The following SHANK2 variants were observed in gnomAD, a reference collection of about 807,000 sequenced individuals.
The protein encoded by SHANK2 is SH3 and multiple ankyrin repeat domains protein 2.
Under a neutral mutation model 133.7 loss-of-function variants are expected in SHANK2, and 43 were observed. The ratio of observed to expected loss-of-function variants is 0.32; its 90% CI spans 0.25 to 0.41. The LOEUF (loss-of-function observed/expected upper bound fraction) is 0.41, where lower values mean the gene tolerates loss of function less well. Ranked by LOEUF, SHANK2 falls within the 10% of genes least tolerant of loss-of-function variation. The pLI is 1.00. For missense variants in SHANK2, 1,994 were observed against 2,235.8 expected, an observed-to-expected ratio of 0.89 and a Z score of 2.18; for synonymous variants, 1,017 against 952.8, an observed-to-expected ratio of 1.07 and a Z score of -1.24.
intron 2 of SHANK2, among the ~76,000 whole-genome samples, chr11:71,203,852 C>A (rs1260509731): frequency 1.3e-5 from 2 of 152,210 alleles, no homozygotes; most frequent in Non-Finnish European, 2.9e-5. Context: ...AGCCCTGGCT[C>A]CGAGGCTCAG....
At chr11:70,715,604 T>TA (rs1283722764) in intron 14 of SHANK2, among the ~76,000 whole-genome samples, 1 of 152,052 alleles carries the variant, frequency 6.6e-6, no homozygotes, top group East Asian at 1.9e-4. Context: ...TAGAATGTTT[T>TA]AAAAAAAATC....
At chr11:70,798,340 C>A in intron 14 of SHANK2, 103 bp downstream of exon 14, 1 of 688,470 alleles carries the variant, frequency 1.5e-6, no homozygotes, top group Admixed American at 2.0e-5. Context: ...ACTCAGCCTC[C>A]CTCTACGACG....
intron 17 of SHANK2, among the ~76,000 whole-genome samples, chr11:70,557,957 A>T (rs1591577740): frequency 6.6e-6 from 1 of 152,312 alleles, no homozygotes; most frequent in Non-Finnish European, 1.5e-5. Flanking sequence ...TCTTTGGCAA[A>T]TATGTTAAAT....
At chr11:70,682,063 C>G (rs1467428920) in intron 15 of SHANK2, among the ~76,000 whole-genome samples, 1 of 152,066 alleles carries the variant, frequency 6.6e-6, no homozygotes, top group Non-Finnish European at 1.5e-5. Flanking sequence ...ATAAGGCAGC[C>G]CAAACCTGCT....
chr11:70,485,258 G>A lies in SHANK2; in HGVS notation c.4979+56C>T, dbSNP rs1053723542. 6.6e-7 allele frequency: 1 copy of A among 1,504,642 alleles called. No individual in the cohort carries two copies. The highest frequency in any genetic ancestry group is 9.2e-7 in the Non-Finnish European group (1 of 1,085,724). 93.2% of individuals were successfully genotyped at this position (1,504,642 alleles called of 1,614,324 possible). On this transcript the variant is annotated intron_variant, in intron 25 of 25. Coordinates refer to ENST00000601538, the MANE Select transcript of SHANK2 (RefSeq NM_012309.5). This position sits in a 1 kb window ranked among gnomAD's most constrained non-coding sequence, Gnocchi z 5.8. ...GGCTGCTACCCGAGGGCCTTTCCTG[G>A]TCAGCAGGGACAGTGCACGCAGAGC...
At chr11:70,785,600 C>A (rs1947633143) in intron 14 of SHANK2, among the ~76,000 whole-genome samples, 1 of 152,226 alleles carries the variant, frequency 6.6e-6, no homozygotes, top group African/African-American at 2.4e-5. Context: ...CTCCAGCACC[C>A]CCCAGGGGCT....
In SHANK2 at chr11:70,569,187, G is replaced by A. The variant is rs1292193919; in HGVS notation, c.2062-66256C>T. The stretch of plus-strand genomic sequence containing the variant: ...GAGAGGGGGATCCTCTGTCCTCTCA[G>A]GGCCAATCGGACTGAGGACAGTCCC... On this transcript the variant is annotated intron_variant, in intron 17 of 25. Coordinates refer to ENST00000601538, the MANE Select transcript of SHANK2 (RefSeq NM_012309.5). The surrounding 1 kb of genome is among the most constrained non-coding windows in gnomAD (Gnocchi z 5.1). Among the ~76,000 whole-genome samples, 1 of 152,186 alleles carries A rather than the reference G, an allele frequency of 6.6e-6. No individual in the cohort carries two copies. Among genetic ancestry groups the A allele is most frequent in the Non-Finnish European group, 1.5e-5 (1 of 68,026 alleles).
intron 1 of SHANK2, among the ~76,000 whole-genome samples, chr11:71,230,473 G>C (rs1954724569): frequency 6.6e-6 from 1 of 152,004 alleles, no homozygotes; most frequent in African/African-American, 2.4e-5. Context: ...GGAGGCTGAG[G>C]CAGGAGAATG....
chr11:70,717,814 G>GA (rs5792531), intron 14 of SHANK2, among the ~76,000 whole-genome samples: 64,373 of 146,366 alleles, frequency 0.44, 14,108 homozygotes, highest in Non-Finnish European at 0.5. Flanking sequence ...AATTCAACAG[G>GA]AAAAAAAAAA....
chr11:71,238,525 G>A (rs369711260), intron 1 of SHANK2, among the ~76,000 whole-genome samples: 29 of 152,300 alleles, frequency 1.9e-4, no homozygotes, highest in East Asian at 1.2e-3. Flanking sequence ...GCACCGCAAC[G>A]TACCACTTAC....
chr11:70,515,401 G>C (rs1315447001), intron 17 of SHANK2, among the ~76,000 whole-genome samples: 1 of 152,070 alleles, frequency 6.6e-6, no homozygotes, highest in Non-Finnish European at 1.5e-5. Flanking sequence ...TTTATACACA[G>C]TAGACCGTCT....
At chr11:71,210,349 T>C (rs1954247575) in intron 2 of SHANK2, among the ~76,000 whole-genome samples, 1 of 149,816 alleles carries the variant, frequency 6.7e-6, no homozygotes, top group African/African-American at 2.5e-5. Context: ...CCCAGGTTCA[T>C]GCCATTCTCC....
chr11:70,488,149 A>T (rs1025287764), intron 24 of SHANK2, among the ~76,000 whole-genome samples: 1 of 152,214 alleles, frequency 6.6e-6, no homozygotes, highest in Non-Finnish European at 1.5e-5. Flanking sequence ...GGGGTTGGCT[A>T]GACCAGGAGG....
chr11:70,601,127 C>T lies in SHANK2; in HGVS notation c.2061+58701G>A, dbSNP rs1426383958. 2.6e-5 allele frequency among the ~76,000 whole-genome samples: 4 copies of T among 152,060 alleles called. No homozygotes were observed. The East Asian group carries it at 5.8e-4, about 22-fold the overall frequency. ...AGCGCAGTGGTGTAATCTCAGCTCA[C>T]GGCAATCTCCACCTCCTGGGTTTAA... On this transcript the variant is annotated intron_variant, in intron 17 of 25. Transcript: ENST00000601538.
chr11:71,228,761 AAATT>A (rs1306052195), intron 1 of SHANK2, among the ~76,000 whole-genome samples: 17 of 152,222 alleles, frequency 1.1e-4, no homozygotes, highest in African/African-American at 3.6e-4. Flanking sequence ...TCCATCTCAA[AAATT>A]AATTAATAAT....
At position 70,679,674 on chromosome 11, in the gene SHANK2, G is replaced by A. The variant is rs112085680; in HGVS notation, c.1854-17996C>T. 4.4e-3 allele frequency among the ~76,000 whole-genome samples: 669 copies of A among 152,376 alleles called. 2 individuals are homozygous for A. The highest frequency in any genetic ancestry group is 0.015 in the African/African-American group (643 of 41,594). On this transcript the variant is annotated intron_variant, in intron 15 of 25. Coordinates refer to ENST00000601538, the MANE Select transcript of SHANK2 (RefSeq NM_012309.5). ...CTTGGGAGGCCCGGTGCCATCTGTC[G>A]TGCTGACTATACGCCCCAGGGCCTG...
chr11:71,183,590 A>G lies in SHANK2; in HGVS notation c.-12-36252T>C, dbSNP rs552768394. 6.6e-5 allele frequency among the ~76,000 whole-genome samples: 10 copies of G among 152,324 alleles called. No homozygotes were observed. In the South Asian group the frequency reaches 1.9e-3, roughly 28 times the overall value. On this transcript the variant is annotated intron_variant, in intron 2 of 25. Transcript: ENST00000601538. ...ACATCAATGCATGCGGCTCACAGGC[A>G]CAAGGCCACTCTCCCTCTGCTCCCA...
At chr11:70,520,009 AAGTGTTGGGATGAC>A (rs1427848351) in intron 17 of SHANK2, among the ~76,000 whole-genome samples, 6 of 151,484 alleles carry the variant, frequency 4.0e-5, no homozygotes, top group Admixed American at 6.6e-5. Flanking sequence ...CAGCCTCCCA[AAGTGTTGGGATGAC>A]AGGCGTAAGC....
At chr11:70,559,322 T>C (rs1554980336) in intron 17 of SHANK2, among the ~76,000 whole-genome samples, 1 of 152,150 alleles carries the variant, frequency 6.6e-6, no homozygotes, top group East Asian at 1.9e-4. Context: ...ACCCGGCCCA[T>C]AGACCCTATT....
Sources: allele counts gnomAD v4.1 joint callset (sites outside exome capture counted in the v4.1 genomes callset), GRCh38; gene constraint gnomAD v4.1.1; non-coding constraint Gnocchi (gnomAD v3.1); transcripts MANE v1.5; gene names NCBI Gene and HGNC (gene_info 2026-07-23, HGNC 2026-07-21).